The following PCSK6 variants were observed in gnomAD, a reference collection of about 807,000 sequenced individuals.
PCSK6 encodes proprotein convertase subtilisin/kexin type 6, also known as paired basic amino acid cleaving enzyme 4.
A neutral mutation model predicts 123.3 loss-of-function variants in PCSK6; 85 were observed. The observed-to-expected ratio is 0.69, with a 90% confidence interval of 0.58 to 0.83. The LOEUF (loss-of-function observed/expected upper bound fraction) is 0.83, where lower values mean the gene tolerates loss of function less well. Among genes scored for constraint, PCSK6 ranks in the 40% least tolerant of loss-of-function variants. The pLI is 0.00. For synonymous variants in PCSK6, 508 were observed against 516.0 expected (o/e 0.98, Z 0.21); for missense variants, 1,191 against 1,282.3 (o/e 0.93, Z 1.09).
At chr15:101,442,645 T>G (rs2056786343) in intron 2 of PCSK6, among the ~76,000 whole-genome samples, 1 of 152,116 alleles carries the variant, frequency 6.6e-6, no homozygotes, top group African/African-American at 2.4e-5. Context: ...TGGAAATAGC[T>G]GAAATAATAT....
At chr15:101,400,405 A>G (rs1456033905) in intron 6 of PCSK6, among the ~76,000 whole-genome samples, 1 of 152,120 alleles carries the variant, frequency 6.6e-6, no homozygotes, top group Non-Finnish European at 1.5e-5. Context: ...TCCCCACCTT[A>G]CCCATACTAG....
At chr15:101,387,796 C>T (rs1289112931) in intron 9 of PCSK6, among the ~76,000 whole-genome samples, 1 of 28,588 alleles carries the variant, frequency 3.5e-5, no homozygotes, top group Non-Finnish European at 1.2e-4. Context: ...AGAGAGAAGG[C>T]GGCCTGGGGC....
At chr15:101,419,029 C>G (rs2055988873) in intron 6 of PCSK6, among the ~76,000 whole-genome samples, 1 of 152,004 alleles carries the variant, frequency 6.6e-6, no homozygotes, top group Non-Finnish European at 1.5e-5. Flanking sequence ...TAGAAGTATT[C>G]CTGTATAAGT....
At chr15:101,374,193 G>A (rs761406767) in intron 11 of PCSK6, among the ~76,000 whole-genome samples, 3 of 152,036 alleles carry the variant, frequency 2.0e-5, no homozygotes, top group East Asian at 1.9e-4. Flanking sequence ...CTCTCCACCC[G>A]CTCCCTTCTC....
At chr15:101,439,097 C>G (rs2056685255) in intron 2 of PCSK6, among the ~76,000 whole-genome samples, 1 of 152,182 alleles carries the variant, frequency 6.6e-6, no homozygotes, top group Non-Finnish European at 1.5e-5. Context: ...TGCAGTGGTG[C>G]AGGCAAGAGA....
rs528947133 is a variant in PCSK6, at chr15:101,430,564, T to C, written c.658-501A>G. On this transcript the variant is annotated intron_variant, in intron 4 of 21. Coordinates refer to ENST00000611716, the MANE Select transcript of PCSK6 (RefSeq NM_002570.5). Reference sequence around the variant, plus strand: ...CTTCATTTTATATTTTCAATAGGTATGCTTTTGTTTATATGACTGTAACAG... The same window carrying C: ...CTTCATTTTATATTTTCAATAGGTACGCTTTTGTTTATATGACTGTAACAG... 2.2e-4 allele frequency among the ~76,000 whole-genome samples: 34 copies of C among 152,376 alleles called. No individual in the cohort carries two copies. In the East Asian group the frequency reaches 3.3e-3, roughly 15 times the overall value.
intron 6 of PCSK6, among the ~76,000 whole-genome samples, chr15:101,402,752 A>G (rs1046933875): frequency 2.0e-5 from 3 of 152,384 alleles, no homozygotes; most frequent in East Asian, 1.9e-4. Flanking sequence ...AATGGCAATC[A>G]TTAAAAAGTC....
chr15:101,370,417 A>T lies in PCSK6; in HGVS notation c.1639T>A (p.Ser547Thr). ...VYLEHVVVRT[S>T]ISHPRRGDLQ... ...TCTCCTCGGCGTGGGTGTGAGATGG[A>T]GGTGCGAACCACCACGTGCTCCAAG... Residue 547 changes from serine (S) to threonine (T), a missense_variant, in exon 12 of 22, where the codon TCC becomes ACC. Ser to Thr is a moderately conservative substitution (Grantham distance 58). Transcript: ENST00000611716. 6.4e-7 allele frequency: 1 copy of T among 1,552,490 alleles called. No individual in the cohort carries two copies. Among genetic ancestry groups the T allele is most frequent in the African/African-American group, 1.4e-5 (1 of 73,222 alleles).
chr15:101,305,085 T>A lies in PCSK6; in HGVS notation c.*173A>T. ...AGGATATCACCATTTTAGGAACACC[T>A]CCTTAAGAGCCACCACCCACCTGGC... On this transcript the variant is annotated 3_prime_UTR_variant, in exon 22 of 22. Coordinates refer to ENST00000611716, the MANE Select transcript of PCSK6 (RefSeq NM_002570.5). This position sits in a 1 kb window ranked among gnomAD's most constrained non-coding sequence, Gnocchi z 4.8. 1.7e-6 allele frequency: 1 copy of A among 591,406 alleles called. No homozygotes were observed. Among genetic ancestry groups the A allele is most frequent in the East Asian group, 2.8e-5 (1 of 35,658 alleles). 36.6% of individuals were successfully genotyped at this position (591,406 alleles called of 1,614,324 possible). A position where few individuals can be genotyped will look rare whatever the true frequency, so the allele number is the denominator to read the frequency against.
intron 13 of PCSK6, among the ~76,000 whole-genome samples, chr15:101,351,902 C>G (rs950276549): frequency 2.6e-5 from 4 of 152,096 alleles, no homozygotes; most frequent in Admixed American, 1.3e-4. Flanking sequence ...GACCTACCGC[C>G]TATTTTATAA....
intron 13 of PCSK6, chr15:101,347,768 T>C (rs749342360): frequency 6.2e-7 from 1 of 1,613,590 alleles, no homozygotes; most frequent in South Asian, 1.1e-5. Context: ...CGTGTTTTAG[T>C]CCAGGTTCCC....
At chr15:101,410,502 C>T (rs2042914715) in intron 6 of PCSK6, among the ~76,000 whole-genome samples, 1 of 152,200 alleles carries the variant, frequency 6.6e-6, no homozygotes, top group Non-Finnish European at 1.5e-5. Context: ...CTAGGAAATG[C>T]CTGCTGCCCT....
chr15:101,439,082 G>T (rs1414005579), intron 2 of PCSK6, among the ~76,000 whole-genome samples: 1 of 152,238 alleles, frequency 6.6e-6, no homozygotes, highest in Admixed American at 6.5e-5. Flanking sequence ...CAGCAAGGAG[G>T]GCAGTGCAGT....
Position 101,437,061 on chromosome 15 carries a change from A to G in PCSK6, c.403-4961T>C, listed in dbSNP as rs149081316. Among the ~76,000 whole-genome samples, 681 of 152,310 alleles carry G rather than the reference A, an allele frequency of 4.5e-3. 5 individuals carry two copies. The highest frequency in any genetic ancestry group is 6.7e-3 in the Non-Finnish European group (453 of 68,014). ...TATGCAAAATGGTGCCGGCATGAGC[A>G]TGATGTCTTTTTTCCTCTGGAGAGC... is the stretch of plus-strand genomic sequence containing the variant. On this transcript the variant is annotated intron_variant, in intron 2 of 21. Transcript: ENST00000611716.
intron 6 of PCSK6, 64 bp downstream of exon 6, chr15:101,427,828 A>G: frequency 7.9e-7 from 1 of 1,272,656 alleles, no homozygotes; most frequent in South Asian, 1.3e-5. Context: ...ACCAGCGGAC[A>G]GGGAGCTCCC....
intron 16 of PCSK6, among the ~76,000 whole-genome samples, chr15:101,326,042 C>T (rs1209973042): frequency 6.6e-6 from 1 of 152,246 alleles, no homozygotes; most frequent in Non-Finnish European, 1.5e-5. Flanking sequence ...AGCACCAGGG[C>T]CTTGAATCGC....
intron 13 of PCSK6, among the ~76,000 whole-genome samples, chr15:101,356,182 G>A (rs1159987251): frequency 3.9e-5 from 6 of 152,170 alleles, no homozygotes; most frequent in South Asian, 2.1e-4. Context: ...TCTGCAGGAC[G>A]AGCCATCGCC....
intron 10 of PCSK6, 43 bp downstream of exon 10, chr15:101,384,279 T>C (rs777819375): frequency 6.2e-7 from 1 of 1,606,502 alleles, no homozygotes; most frequent in South Asian, 1.1e-5. Flanking sequence ...TTCCTACACA[T>C]TCCAGGGCCA....
intron 1 of PCSK6, among the ~76,000 whole-genome samples, chr15:101,483,082 C>A (rs2057931120): frequency 6.6e-6 from 1 of 152,218 alleles, no homozygotes; most frequent in African/African-American, 2.4e-5. Context: ...GAACCTCTCG[C>A]AGGCCAGCCG....
Sources: allele counts gnomAD v4.1 joint callset (sites outside exome capture counted in the v4.1 genomes callset), GRCh38; gene constraint gnomAD v4.1.1; non-coding constraint Gnocchi (gnomAD v3.1); transcripts MANE v1.5; gene names NCBI Gene and HGNC (gene_info 2026-07-23, HGNC 2026-07-21).